Variants in RERE observed in about 807,000 individuals in gnomAD.
RERE encodes arginine-glutamic acid dipeptide repeats.
RERE carries 40 observed loss-of-function variants against 146.1 expected under a neutral mutation model. The observed-to-expected ratio is 0.27, with a 90% CI of 0.21 to 0.36. RERE has a LOEUF of 0.36. Among genes scored for constraint, RERE ranks in the 10% least tolerant of loss-of-function variants. RERE has a pLI of 1.00. For missense variants in RERE, 1,933 were observed against 2,138.7 expected (o/e 0.90, Z 1.90); for synonymous variants, 1,003 against 866.0 (o/e 1.16, Z -2.78).
intron 3 of RERE, among the ~76,000 whole-genome samples, chr1:8,622,499 A>C (rs1401271398): frequency 3.8e-5 from 5 of 133,016 alleles, no homozygotes; most frequent in Admixed American, 2.3e-4. Context: ...AAAAAAAAAA[A>C]AAAAAAAAAA....
intron 10 of RERE, among the ~76,000 whole-genome samples, chr1:8,468,998 T>C (rs1407568723): frequency 2.0e-5 from 3 of 152,190 alleles, no homozygotes; most frequent in Admixed American, 6.5e-5. Context: ...CTAGCTCTAC[T>C]ATTTACTAGG....
chr1:8,629,013 C>A (rs1049626622), intron 2 of RERE, among the ~76,000 whole-genome samples: 8 of 152,160 alleles, frequency 5.3e-5, no homozygotes, highest in Non-Finnish European at 1.2e-4. Flanking sequence ...ATGCATAATG[C>A]ACATCTTCAG....
intron 4 of RERE, among the ~76,000 whole-genome samples, chr1:8,576,249 C>T (rs1014717838): frequency 1.3e-4 from 19 of 151,854 alleles, no homozygotes; most frequent in African/African-American, 4.6e-4. Context: ...GTTGTACCTG[C>T]ACCTTTTCTA....
intron 12 of RERE, chr1:8,380,896 C>A (rs1004150576): frequency 4.4e-6 from 2 of 456,630 alleles, no homozygotes; most frequent in Non-Finnish European, 8.8e-6. Context: ...GCTGCTGTAA[C>A]GTCTGCCAGG....
At chr1:8,636,709 C>T (rs181381779) in intron 2 of RERE, among the ~76,000 whole-genome samples, 11 of 152,188 alleles carry the variant, frequency 7.2e-5, no homozygotes, top group Non-Finnish European at 1.3e-4. Flanking sequence ...ATAAGCAGAC[C>T]TATAATATTT....
At position 8,361,061 on chromosome 1, in the gene RERE, G is replaced by T; in HGVS notation, c.2446C>A (p.Pro816Thr). ...LHPQRPPSPH[P>T]PPHPSPHPPL... ...GGATGTGGCGAGGGATGCGGCGGGG[G>T]ATGCGGTGAGGGCGGCCGCTGGGGG... The change falls in exon 18 of 23, where the codon CCC becomes ACC. Residue 816 changes from proline to threonine, a missense_variant. Physicochemically the swap from Pro to Thr is conservative, Grantham distance 38. Coordinates refer to ENST00000400908, the MANE Select transcript of RERE (RefSeq NM_001042681.2). 3 of 1,438,604 alleles carry T rather than the reference G, an allele frequency of 2.1e-6. No homozygotes were observed. The highest frequency in any genetic ancestry group is 2.7e-6 in the Non-Finnish European group (3 of 1,101,132). The allele number at this position is 1,438,604 out of a possible 1,614,324, so 89.1% of individuals were successfully genotyped here. A position where few individuals can be genotyped will look rare whatever the true frequency, so the allele number is the denominator to read the frequency against.
intron 6 of RERE, among the ~76,000 whole-genome samples, chr1:8,553,008 G>A (rs1464254851): frequency 6.7e-6 from 1 of 149,194 alleles, no homozygotes; most frequent in Non-Finnish European, 1.5e-5. Flanking sequence ...CCACACACAT[G>A]TGTGCAACAC....
intron 12 of RERE, among the ~76,000 whole-genome samples, chr1:8,383,000 AATTG>A (rs752726904): frequency 3.2e-5 from 4 of 124,312 alleles, no homozygotes; most frequent in Non-Finnish European, 5.0e-5. Flanking sequence ...GGACTATTTT[AATTG>A]ACTAAGTTAA....
intron 4 of RERE, among the ~76,000 whole-genome samples, chr1:8,577,421 T>C (rs1170370374): frequency 1.3e-5 from 2 of 152,244 alleles, no homozygotes; most frequent in Non-Finnish European, 2.9e-5. Flanking sequence ...GCATCAGCCA[T>C]ATACTGTTAA....
At chr1:8,523,928 A>C (rs1645538770) in intron 7 of RERE, among the ~76,000 whole-genome samples, 1 of 152,222 alleles carries the variant, frequency 6.6e-6, no homozygotes, top group South Asian at 2.1e-4. Context: ...AGAAGAGGTA[A>C]AGATCTAGAA....
In RERE at chr1:8,359,913, A is replaced by C. The variant is rs775094086; in HGVS notation, c.3469T>G (p.Ser1157Ala). Reference sequence around the variant, plus strand: ...TCCTCCCTCTTCTTGGCCAGCTTGGACCCGGCCAGAGGCATGAAGTACAGG... The same window carrying C: ...TCCTCCCTCTTCTTGGCCAGCTTGGCCCCGGCCAGAGGCATGAAGTACAGG... ...TDLYFMPLAG[S>A]KLAKKREEAI... is the part of the protein sequence containing the mutation. The change falls in exon 19 of 23, where the codon TCC becomes GCC. Residue 1157 changes from serine to alanine, a missense_variant. Physicochemically the swap from Ser to Ala is moderately conservative, Grantham distance 99. This residue lies in a region of RERE where 1,255 missense variants were observed against 1,153.8 expected (regional missense o/e 1.09). Transcript: ENST00000400908. 6.2e-7 allele frequency: 1 copy of C among 1,613,058 alleles called. No individual in the cohort carries two copies. The highest frequency in any genetic ancestry group is 1.1e-5 in the South Asian group (1 of 91,050).
chr1:8,404,877 C>A (rs962016691), intron 12 of RERE, among the ~76,000 whole-genome samples: 1 of 152,162 alleles, frequency 6.6e-6, no homozygotes, highest in Admixed American at 6.5e-5. Flanking sequence ...CCTCACCCCA[C>A]CCTCCTTGAG....
At chr1:8,388,509 C>T (rs916379131) in intron 12 of RERE, among the ~76,000 whole-genome samples, 3 of 151,906 alleles carry the variant, frequency 2.0e-5, no homozygotes, top group Admixed American at 6.6e-5. Flanking sequence ...TTAGTAGAGA[C>T]GGGGTTTCAC....
In RERE at chr1:8,365,983, G is replaced by A; in HGVS notation, c.1285-9C>T. On this transcript the variant is annotated splice_polypyrimidine_tract_variant and intron_variant, in intron 12 of 22. Coordinates refer to ENST00000400908, the MANE Select transcript of RERE (RefSeq NM_001042681.2). ...AAGGTGATCAGCTCCCCCTGCAGAA[G>A]AGAAGGGCTGACTGTGGGGGAGGGC... 2 of 1,612,100 alleles carry A rather than the reference G, an allele frequency of 1.2e-6. No homozygotes were observed. The highest frequency in any genetic ancestry group is 1.1e-5 in the South Asian group (1 of 90,960).
intron 12 of RERE, among the ~76,000 whole-genome samples, chr1:8,401,419 G>A (rs759909235): frequency 5.3e-5 from 8 of 151,446 alleles, no homozygotes; most frequent in Admixed American, 1.3e-4. Flanking sequence ...GCCAGCCTGC[G>A]CAACAGAGTG....
rs115877965 is a variant in RERE at position 8,749,122 on chromosome 1, A to G, written c.-145+68038T>C. Among the ~76,000 whole-genome samples, 441 of 152,300 alleles carry G rather than the reference A, an allele frequency of 2.9e-3. 2 individuals carry two copies. Among genetic ancestry groups the G allele is most frequent in the African/African-American group, 0.01 (420 of 41,570 alleles). On this transcript the variant is annotated intron_variant, in intron 1 of 22. Coordinates refer to ENST00000400908, the MANE Select transcript of RERE (RefSeq NM_001042681.2). ...ATTATTATTATCACAATTTTTGGAT[A>G]AAGAATTGAAGAGCTGGAGGAGTTA...
chr1:8,730,680 C>G (rs1454541314), intron 1 of RERE, among the ~76,000 whole-genome samples: 2 of 152,120 alleles, frequency 1.3e-5, no homozygotes, highest in East Asian at 3.9e-4. Context: ...GTTCTGTCAC[C>G]CAGGCTGGTG....
At chr1:8,498,382 A>G (rs1436089028) in intron 8 of RERE, among the ~76,000 whole-genome samples, 1 of 150,236 alleles carries the variant, frequency 6.7e-6, no homozygotes, top group Non-Finnish European at 1.5e-5. Flanking sequence ...AAATTAAACT[A>G]AATTAAATTT....
intron 6 of RERE, among the ~76,000 whole-genome samples, chr1:8,551,727 T>G (rs755104285): frequency 4.6e-5 from 7 of 152,182 alleles, no homozygotes; most frequent in African/African-American, 1.7e-4. Flanking sequence ...TGGAACCAGA[T>G]GTGTGTGTTT....
Sources: allele counts gnomAD v4.1 joint callset (sites outside exome capture counted in the v4.1 genomes callset), GRCh38; gene constraint gnomAD v4.1.1; regional missense constraint gnomAD v4.1.1; transcripts MANE v1.5; gene names NCBI Gene and HGNC (gene_info 2026-07-23, HGNC 2026-07-21).